The following GRM1 variants were observed in gnomAD, a reference collection of about 807,000 sequenced individuals.
The protein encoded by GRM1 is metabotropic glutamate receptor 1.
GRM1 carries 33 observed loss-of-function variants against 90.9 expected under a neutral mutation model. That is an observed-to-expected ratio of 0.36 (90% CI 0.28 to 0.49). The LOEUF (loss-of-function observed/expected upper bound fraction) is 0.49. GRM1 is among the 20% of genes least tolerant of loss of function. The pLI is 0.99. For missense variants in GRM1, 1,190 were observed against 1,534.3 expected, an observed-to-expected ratio of 0.78 and a Z score of 3.75; for synonymous variants, 700 against 613.2, an observed-to-expected ratio of 1.14 and a Z score of -2.09.
chr6:146,103,287 C>A (rs1777111334), intron 1 of GRM1, among the ~76,000 whole-genome samples: 1 of 152,104 alleles, frequency 6.6e-6, no homozygotes, highest in Non-Finnish European at 1.5e-5. Context: ...GTGAGGGACA[C>A]CATGATGTGT....
chr6:146,291,983 G>T (rs1307455923), intron 2 of GRM1, among the ~76,000 whole-genome samples: 2 of 151,912 alleles, frequency 1.3e-5, no homozygotes, highest in Admixed American at 6.6e-5. Flanking sequence ...ATATAGTCAG[G>T]TGCAATAGAA....
In GRM1 at chr6:146,159,959, G is replaced by T. The variant is rs184832077; in HGVS notation, c.950+362G>T. The T allele has an allele frequency of 2.6e-5, 5 of 188,794 alleles. No individual in the cohort carries two copies. The East Asian group carries it at 6.5e-4, about 25-fold the overall frequency. The allele number at this position is 188,794 out of a possible 1,614,324, so 11.7% of individuals were successfully genotyped here. A position where few individuals can be genotyped will look rare whatever the true frequency, so the allele number is the denominator to read the frequency against. On this transcript the variant is annotated intron_variant, in intron 2 of 7. Coordinates refer to ENST00000282753, the MANE Select transcript of GRM1 (RefSeq NM_001278064.2). ...AAGGAAAGAAAGAAAAACAAGAGCA[G>T]AGCAGCATATAACAAGATACTGATA... is the stretch of plus-strand genomic sequence containing the variant.
chr6:146,414,694 A>G (rs574808888), intron 7 of GRM1, among the ~76,000 whole-genome samples: 2 of 152,228 alleles, frequency 1.3e-5, no homozygotes, highest in African/African-American at 2.4e-5. Flanking sequence ...GAGCCACCAC[A>G]CCTGGCCTGC....
intron 5 of GRM1, among the ~76,000 whole-genome samples, chr6:146,379,126 T>G (rs1776220229): frequency 6.6e-6 from 1 of 152,182 alleles, no homozygotes; most frequent in African/African-American, 2.4e-5. Flanking sequence ...ACTCTATATT[T>G]GGGAAGTTCT....
At chr6:146,042,784 G>C (rs1171670173) in intron 1 of GRM1, among the ~76,000 whole-genome samples, 1 of 151,960 alleles carries the variant, frequency 6.6e-6, no homozygotes, top group African/African-American at 2.4e-5. Flanking sequence ...CAAGCAAGAA[G>C]TCTCAGCTTT....
chr6:146,370,102 T>C (rs1334747858), intron 5 of GRM1, among the ~76,000 whole-genome samples: 1 of 152,106 alleles, frequency 6.6e-6, no homozygotes, highest in Admixed American at 6.6e-5. Flanking sequence ...CTTTACAGTT[T>C]TGACTTGAAG....
intron 7 of GRM1, among the ~76,000 whole-genome samples, chr6:146,424,405 G>A (rs1778120393): frequency 6.6e-6 from 1 of 152,168 alleles, no homozygotes; most frequent in Non-Finnish European, 1.5e-5. Context: ...GGCTGGACAG[G>A]GCTGGGACCC....
chr6:146,220,001 A>G (rs1441788291), intron 2 of GRM1, among the ~76,000 whole-genome samples: 1 of 152,096 alleles, frequency 6.6e-6, no homozygotes, highest in Non-Finnish European at 1.5e-5. Flanking sequence ...TCAAGGAGGT[A>G]GAAAAGAACA....
At chr6:146,339,577 A>G (rs1004208118) in intron 3 of GRM1, among the ~76,000 whole-genome samples, 2 of 152,216 alleles carry the variant, frequency 1.3e-5, no homozygotes, top group African/African-American at 4.8e-5. Context: ...GTCACCATCA[A>G]TAATAATCAT....
At chr6:146,056,382 A>G (rs1775480389) in intron 1 of GRM1, among the ~76,000 whole-genome samples, 1 of 152,112 alleles carries the variant, frequency 6.6e-6, no homozygotes, top group Admixed American at 6.6e-5. Flanking sequence ...AATAGAAATC[A>G]GAAATTGTAT....
chr6:146,191,487 T>A (rs1447429891), intron 2 of GRM1, among the ~76,000 whole-genome samples: 1 of 152,206 alleles, frequency 6.6e-6, no homozygotes, highest in Non-Finnish European at 1.5e-5. Flanking sequence ...TCAGCTATCT[T>A]TCTTAAGTAT....
chr6:146,354,602 T>C (rs1002382103), intron 4 of GRM1, among the ~76,000 whole-genome samples: 1 of 152,168 alleles, frequency 6.6e-6, no homozygotes, highest in Admixed American at 6.5e-5. Context: ...TTGCAATTGG[T>C]TGGCATAATC....
intron 2 of GRM1, among the ~76,000 whole-genome samples, chr6:146,229,817 CTT>C (rs1426344917): frequency 2.0e-5 from 3 of 152,140 alleles, no homozygotes; most frequent in African/African-American, 7.2e-5. Context: ...TATATACACA[CTT>C]AATGAATAAA....
chr6:146,030,242 G>C (rs1790656974), intron 1 of GRM1, 25 bp downstream of exon 1: 1 of 1,508,530 alleles, frequency 6.6e-7, no homozygotes, highest in African/African-American at 1.4e-5. Flanking sequence ...TGGGAAAGAA[G>C]GGTACTGAGA....
At chr6:146,223,479 CA>C (rs1441639756) in intron 2 of GRM1, among the ~76,000 whole-genome samples, 1 of 152,014 alleles carries the variant, frequency 6.6e-6, no homozygotes, top group Non-Finnish European at 1.5e-5. Context: ...TTTTCATCTG[CA>C]AGCTCTAACT....
intron 6 of GRM1, among the ~76,000 whole-genome samples, chr6:146,388,748 C>A (rs1776600484): frequency 6.6e-6 from 1 of 152,094 alleles, no homozygotes; most frequent in Admixed American, 6.6e-5. Flanking sequence ...TCAGCAGATC[C>A]TGATGCAATT....
chr6:146,317,489 G>A lies in GRM1; in HGVS notation c.1186+12643G>A, dbSNP rs114533443. ...TGTATCTATATGCCTTGTATTTTAT[G>A]TTTCATTGTTGGTTTCGTTGTGTTA... is the stretch of plus-strand genomic sequence containing the variant. On this transcript the variant is annotated intron_variant, in intron 3 of 7. Coordinates refer to ENST00000282753, the MANE Select transcript of GRM1 (RefSeq NM_001278064.2). 4.8e-3 allele frequency among the ~76,000 whole-genome samples: 730 copies of A among 152,078 alleles called. 4 individuals carry two copies. Among genetic ancestry groups the A allele is most frequent in the African/African-American group, 0.017 (700 of 41,506 alleles).
intron 2 of GRM1, among the ~76,000 whole-genome samples, chr6:146,217,009 G>C (rs543971013): frequency 6.6e-6 from 1 of 152,104 alleles, no homozygotes; most frequent in Non-Finnish European, 1.5e-5. Context: ...GACTCCATTA[G>C]TAACTCCATT....
At chr6:146,348,595 G>A (rs1350652441) in intron 3 of GRM1, among the ~76,000 whole-genome samples, 3 of 152,234 alleles carry the variant, frequency 2.0e-5, no homozygotes, top group Admixed American at 2.0e-4. Flanking sequence ...TTTGGAAAGA[G>A]GTGTGAGCTA....
Sources: allele counts gnomAD v4.1 joint callset (sites outside exome capture counted in the v4.1 genomes callset), GRCh38; gene constraint gnomAD v4.1.1; transcripts MANE v1.5; gene names NCBI Gene and HGNC (gene_info 2026-07-23, HGNC 2026-07-21).